Variants in LAMA2 observed in about 807,000 individuals in gnomAD.
LAMA2 encodes laminin subunit alpha-2.
In LAMA2, 269 loss-of-function variants were observed where a neutral mutation model predicts 364.8. That is an observed-to-expected ratio of 0.74 (90% confidence interval 0.67 to 0.82). The LOEUF is 0.82. Among genes scored for constraint, LAMA2 ranks in the 40% least tolerant of loss-of-function variants. LAMA2 has a pLI of 0.00. For synonymous variants in LAMA2, 1,379 were observed against 1,370.6 expected (o/e 1.01, Z -0.14); for missense variants, 3,807 against 3,873.2 (o/e 0.98, Z 0.45).
chr6:128,910,885 A>T (rs183908302), intron 1 of LAMA2, among the ~76,000 whole-genome samples: 2,131 of 151,368 alleles, frequency 0.014, 56 homozygotes, highest in African/African-American at 0.05. Flanking sequence ...GGTCTGTTGG[A>T]GTACCCTGCC....
intron 32 of LAMA2, among the ~76,000 whole-genome samples, chr6:129,355,824 C>T (rs1374010097): frequency 6.6e-6 from 1 of 152,126 alleles, no homozygotes; most frequent in Non-Finnish European, 1.5e-5. Context: ...GACTGATCCA[C>T]ATCATGGATT....
intron 32 of LAMA2, among the ~76,000 whole-genome samples, chr6:129,365,708 C>G (rs1777731042): frequency 6.6e-6 from 1 of 151,388 alleles, no homozygotes; most frequent in Admixed American, 6.6e-5. Context: ...CAATAGATAC[C>G]AAGCTAAAAA....
chr6:129,063,979 A>C (rs1789112471), intron 3 of LAMA2, among the ~76,000 whole-genome samples: 1 of 152,030 alleles, frequency 6.6e-6, no homozygotes, highest in South Asian at 2.1e-4. Context: ...TTATATATTC[A>C]AGTTTTAACA....
chr6:129,084,258 A>C, intron 3 of LAMA2, among the ~76,000 whole-genome samples: 1 of 152,110 alleles, frequency 6.6e-6, no homozygotes, highest in Non-Finnish European at 1.5e-5. Flanking sequence ...AGTCACCTCA[A>C]TCCCCATTTG....
chr6:129,374,487 A>T (rs1317280264), intron 34 of LAMA2, among the ~76,000 whole-genome samples: 4 of 152,228 alleles, frequency 2.6e-5, no homozygotes, highest in African/African-American at 9.6e-5. Context: ...AACTCCCCAG[A>T]TTATACTGAT....
At chr6:129,085,323 C>T (rs1407850999) in intron 3 of LAMA2, among the ~76,000 whole-genome samples, 3 of 152,148 alleles carry the variant, frequency 2.0e-5, no homozygotes, top group African/African-American at 4.8e-5. Context: ...GGACACATGG[C>T]ATTACAGAAA....
At chr6:129,445,225 GA>G (rs1484170846) in intron 44 of LAMA2, among the ~76,000 whole-genome samples, 3 of 152,092 alleles carry the variant, frequency 2.0e-5, no homozygotes, top group Non-Finnish European at 4.4e-5. Context: ...AAGACGGTGA[GA>G]AAAAGAAAGA....
At chr6:129,379,692 G>T (rs995227988) in intron 34 of LAMA2, among the ~76,000 whole-genome samples, 1 of 152,156 alleles carries the variant, frequency 6.6e-6, no homozygotes, top group Non-Finnish European at 1.5e-5. Flanking sequence ...TTGAATTACT[G>T]TGAGGCCAGT....
At chr6:129,513,079 T>C (rs2571576) in intron 63 of LAMA2, among the ~76,000 whole-genome samples, 97,962 of 152,120 alleles carry the variant, frequency 0.64, 31,929 homozygotes, top group East Asian at 0.74. Flanking sequence ...CTTTGCACTA[T>C]AGGCAGCAGG....
At chr6:129,196,689 G>A (rs1325677678) in intron 12 of LAMA2, among the ~76,000 whole-genome samples, 2 of 152,194 alleles carry the variant, frequency 1.3e-5, no homozygotes, top group Non-Finnish European at 1.5e-5. Flanking sequence ...GATTAAATGG[G>A]TTAGTTAAGA....
intron 32 of LAMA2, among the ~76,000 whole-genome samples, chr6:129,365,833 T>C (rs372880073): frequency 3.3e-5 from 5 of 152,324 alleles, no homozygotes; most frequent in South Asian, 4.1e-4. Flanking sequence ...GCATGTTTTA[T>C]TCCCTGTGGA....
intron 55 of LAMA2, among the ~76,000 whole-genome samples, chr6:129,485,123 C>A (rs1383210148): frequency 6.6e-6 from 1 of 152,028 alleles, no homozygotes; most frequent in Non-Finnish European, 1.5e-5. Context: ...TCTCATATTG[C>A]AAATGATAAG....
Position 128,887,744 on chromosome 6 carries a change from C to G in LAMA2, c.112+4387C>G, listed in dbSNP as rs370301971. 2.1e-4 allele frequency among the ~76,000 whole-genome samples: 32 copies of G among 152,164 alleles called. No homozygotes were observed. In the East Asian group the frequency reaches 5.6e-3, roughly 27 times the overall value. On this transcript the variant is annotated intron_variant, in intron 1 of 64. Transcript: ENST00000421865. Reference sequence around the variant, plus strand: ...AATTAGCCAGGCGTGGTGGCATGTGCCTGTAATCCCAGCTACTCAGGAGGC... The same window carrying G: ...AATTAGCCAGGCGTGGTGGCATGTGGCTGTAATCCCAGCTACTCAGGAGGC...
intron 51 of LAMA2, among the ~76,000 whole-genome samples, chr6:129,467,214 G>A (rs2114813272): frequency 6.6e-6 from 1 of 151,984 alleles, no homozygotes; most frequent in Non-Finnish European, 1.5e-5. Context: ...CAACAGGAAT[G>A]GACCTGGAGG....
chr6:129,090,170 G>A (rs948225676), intron 3 of LAMA2, among the ~76,000 whole-genome samples: 18 of 152,050 alleles, frequency 1.2e-4, no homozygotes, highest in African/African-American at 4.1e-4. Context: ...ATACACAAAA[G>A]TATAGAGAAT....
chr6:129,138,916 T>C (rs895795895), intron 4 of LAMA2, among the ~76,000 whole-genome samples: 1 of 152,042 alleles, frequency 6.6e-6, no homozygotes, highest in Non-Finnish European at 1.5e-5. Flanking sequence ...AAGTTGGCAC[T>C]GAAGGGGATT....
intron 16 of LAMA2, 80 bp from the exon 17 acceptor site, chr6:129,270,544 T>G: frequency 7.0e-7 from 1 of 1,436,792 alleles, no homozygotes; most frequent in Non-Finnish European, 9.8e-7. Context: ...AGCAGACTAA[T>G]GACTTCGTAG....
chr6:129,439,278 C>T (rs1781986564), intron 42 of LAMA2, among the ~76,000 whole-genome samples: 1 of 151,968 alleles, frequency 6.6e-6, no homozygotes, highest in African/African-American at 2.4e-5. Flanking sequence ...TCAGTACAGA[C>T]ACAACCATTT....
At chr6:129,197,308 T>C (rs1043702993) in intron 12 of LAMA2, among the ~76,000 whole-genome samples, 2 of 152,202 alleles carry the variant, frequency 1.3e-5, no homozygotes, top group African/African-American at 4.8e-5. Flanking sequence ...ACATTCACCA[T>C]CAGCCTGCTA....
Sources: gnomAD v4.1 joint callset for allele counts (sites outside exome capture counted in the v4.1 genomes callset) on GRCh38, gnomAD v4.1.1 for gene constraint, MANE v1.5 for transcripts, NCBI Gene and HGNC (gene_info 2026-07-23, HGNC 2026-07-21) for gene names.